The following PLPPR4 variants were observed in gnomAD, a reference collection of about 807,000 sequenced individuals.
PLPPR4 encodes phospholipid phosphatase related 4, also known as phospholipid phosphatase-related protein type 4.
A neutral mutation model predicts 56.6 loss-of-function variants in PLPPR4; 24 were observed. That is an observed-to-expected ratio of 0.42 (90% CI 0.31 to 0.60). The LOEUF (loss-of-function observed/expected upper bound fraction) is 0.60, where lower values mean the gene tolerates loss of function less well. PLPPR4 is among the 20% of genes least tolerant of loss of function. The pLI is 0.13. For missense variants in PLPPR4, 654 were observed against 885.8 expected (o/e 0.74, Z 3.32); for synonymous variants, 326 against 328.1 (o/e 0.99, Z 0.07).
chr1:99,285,039 G>A (rs1348505480), intron 1 of PLPPR4, among the ~76,000 whole-genome samples: 4 of 152,146 alleles, frequency 2.6e-5, no homozygotes, highest in Non-Finnish European at 4.4e-5. Flanking sequence ...AAAGCTTCAT[G>A]AGAAAGGTGA....
rs1028969338 is a variant in PLPPR4, at chr1:99,307,793, C to G, written c.*783C>G. 9 of 152,130 alleles carry G rather than the reference C, an allele frequency of 5.9e-5. No individual in the cohort carries two copies. The highest frequency in any genetic ancestry group is 2.2e-4 in the African/African-American group (9 of 41,434). The allele number at this position is 152,130 out of a possible 1,614,324, so 9.4% of individuals were successfully genotyped here. A position where few individuals can be genotyped will look rare whatever the true frequency, so the allele number is the denominator to read the frequency against. On this transcript the variant is annotated 3_prime_UTR_variant, in exon 7 of 7. Transcript: ENST00000370185. ...TTAAGTATAGGTACTGCTAATGAAT[C>G]TGTTTTCTTAGTGAGTAAATTTGCA...
chr1:99,304,059 C>A (rs1369579627), intron 6 of PLPPR4, among the ~76,000 whole-genome samples: 7 of 152,158 alleles, frequency 4.6e-5, no homozygotes, highest in Admixed American at 1.3e-4. Flanking sequence ...TGTTTCTTCA[C>A]CTACAAAATA....
At chr1:99,297,726 T>A (rs913551832) in intron 3 of PLPPR4, among the ~76,000 whole-genome samples, 1 of 152,086 alleles carries the variant, frequency 6.6e-6, no homozygotes, top group Admixed American at 6.6e-5. Flanking sequence ...CCACTAAGCA[T>A]TTTCTTACCA....
intron 1 of PLPPR4, among the ~76,000 whole-genome samples, chr1:99,274,721 T>A (rs552529858): frequency 4.6e-5 from 7 of 152,090 alleles, no homozygotes; most frequent in Non-Finnish European, 8.8e-5. Flanking sequence ...TTACTGTGTG[T>A]CTTCTATACA....
rs750767307 is a variant in PLPPR4, at chr1:99,299,083, T to C, written c.443T>C (p.Ile148Thr). ...LCSTALITDI[I>T]QLSTGYQAPY... ...TCTACAGCTCTCATTACAGATATCA[T>C]ACAGCTGTCCACAGGATATCAAGCA... is the stretch of plus-strand genomic sequence containing the variant. Residue 148 changes from isoleucine (I) to threonine (T), a missense_variant, in exon 4 of 7, where the codon ATA becomes ACA. By Grantham distance (89) the Ile-to-Thr change is moderately conservative. Transcript: ENST00000370185. 6.2e-7 allele frequency: 1 copy of C among 1,613,652 alleles called. No homozygotes were observed. Among genetic ancestry groups the C allele is most frequent in the South Asian group, 1.1e-5 (1 of 91,078 alleles).
At chr1:99,296,894 G>T in intron 3 of PLPPR4, 27 bp downstream of exon 3, 3 of 1,500,354 alleles carry the variant, frequency 2.0e-6, no homozygotes, top group African/African-American at 1.4e-5. Context: ...ACAAAGAAAA[G>T]AAATGCTTTT....
At chr1:99,283,813 G>A (rs1304941937) in intron 1 of PLPPR4, among the ~76,000 whole-genome samples, 1 of 152,114 alleles carries the variant, frequency 6.6e-6, no homozygotes, top group Non-Finnish European at 1.5e-5. Context: ...TTAGCCGGGT[G>A]TGGTGGCACG....
Position 99,307,156 on chromosome 1 carries a change from C to G in PLPPR4, c.*146C>G, listed in dbSNP as rs367829369. On this transcript the variant is annotated 3_prime_UTR_variant, in exon 7 of 7. Transcript: ENST00000370185. The stretch of plus-strand genomic sequence containing the variant: ...TCTGTAACTTTTCAGAACTGCTATA[C>G]TCAAACTTGCAGATCTCACATCAAG... 2.2e-6 allele frequency: 2 copies of G among 927,472 alleles called. No homozygotes were observed. The highest frequency in any genetic ancestry group is 3.2e-6 in the Non-Finnish European group (2 of 620,102). 57.5% of individuals were successfully genotyped at this position (927,472 alleles called of 1,614,324 possible). A position where few individuals can be genotyped will look rare whatever the true frequency, so the allele number is the denominator to read the frequency against.
At chr1:99,267,406 A>T (rs1331722000) in intron 1 of PLPPR4, among the ~76,000 whole-genome samples, 2 of 152,212 alleles carry the variant, frequency 1.3e-5, no homozygotes, top group East Asian at 3.8e-4. Flanking sequence ...ACTTGGTTCA[A>T]ACACCGCCTT....
At chr1:99,279,336 C>T (rs1225346294) in intron 1 of PLPPR4, among the ~76,000 whole-genome samples, 1 of 152,038 alleles carries the variant, frequency 6.6e-6, no homozygotes, top group Non-Finnish European at 1.5e-5. Context: ...CTTAAGTTTG[C>T]CTAATTTCTG....
intron 2 of PLPPR4, among the ~76,000 whole-genome samples, chr1:99,294,418 G>A (rs113951947): frequency 0.013 from 1,891 of 147,832 alleles, 48 homozygotes; most frequent in African/African-American, 0.045. Flanking sequence ...ACTCTTGGCC[G>A]GGCGCGATGG....
At chr1:99,298,794 A>T (rs1659809637) in intron 3 of PLPPR4, 1 of 616,908 alleles carries the variant, frequency 1.6e-6, no homozygotes, top group South Asian at 2.0e-5. Flanking sequence ...AAGAATTGGC[A>T]CTTTATCACC....
At chr1:99,298,816 AG>A in intron 3 of PLPPR4, 2 of 631,992 alleles carry the variant, frequency 3.2e-6, no homozygotes, top group Non-Finnish European at 5.6e-6. Context: ...AATTAACAAA[AG>A]TGCCTAAAGT....
chr1:99,282,890 C>T (rs150886672), intron 1 of PLPPR4, among the ~76,000 whole-genome samples: 1 of 150,156 alleles, frequency 6.7e-6, no homozygotes, highest in Non-Finnish European at 1.5e-5. Context: ...TTACACAGCC[C>T]TCTTCTTTAT....
At chr1:99,264,442 G>T (rs1043460328), upstream of PLPPR4, 5 of 1,474,710 alleles carry the variant, frequency 3.4e-6, no homozygotes, top group East Asian at 1.2e-4. Flanking sequence ...AGAAGGCGGG[G>T]GCGCTGCATG....
intron 1 of PLPPR4, among the ~76,000 whole-genome samples, chr1:99,280,005 T>C (rs115203976): frequency 3.9e-4 from 59 of 152,188 alleles, no homozygotes; most frequent in African/African-American, 1.4e-3. Flanking sequence ...CATGTTTGGG[T>C]GATAAAGAAT....
chr1:99,279,046 A>G (rs1193664604), intron 1 of PLPPR4, among the ~76,000 whole-genome samples: 1 of 152,208 alleles, frequency 6.6e-6, no homozygotes, highest in East Asian at 1.9e-4. Context: ...TTTCTTAACA[A>G]TACTGCAAGA....
intron 2 of PLPPR4, among the ~76,000 whole-genome samples, chr1:99,294,208 C>A (rs757112123): frequency 1.3e-5 from 2 of 151,846 alleles, no homozygotes; most frequent in Admixed American, 1.3e-4. Context: ...TTTGAAAACT[C>A]GTGAATGACA....
rs1275170447 is a variant in PLPPR4, at chr1:99,306,497, C to G, written c.1635C>G (p.Pro545=). Residue 545 remains proline, a synonymous_variant, in exon 7 of 7, where the codon CCC becomes CCG. Coordinates refer to ENST00000370185, the MANE Select transcript of PLPPR4 (RefSeq NM_014839.5). The surrounding 1 kb of genome is among the most constrained non-coding windows in gnomAD (Gnocchi z 4.0). The part of the protein sequence containing the change: ...SKQQGVLQSS[P]KNTEGSTVSC... ...AGCAGGGTGTCCTCCAAAGCAGCCC[C>G]AAGAACACTGAAGGCAGCACGGTCT... The G allele has an allele frequency of 7.4e-6, 12 of 1,614,182 alleles. No individual in the cohort carries two copies. Among genetic ancestry groups the G allele is most frequent in the Non-Finnish European group, 1.0e-5 (12 of 1,180,026 alleles).
Sources: allele counts gnomAD v4.1 joint callset (sites outside exome capture counted in the v4.1 genomes callset), GRCh38; gene constraint gnomAD v4.1.1; non-coding constraint Gnocchi (gnomAD v3.1); transcripts MANE v1.5; gene names NCBI Gene and HGNC (gene_info 2026-07-23, HGNC 2026-07-21).